Variants in CADPS observed in about 807,000 individuals in gnomAD.
CADPS encodes the protein calcium dependent secretion activator.
A neutral mutation model predicts 167.3 loss-of-function variants in CADPS; 57 were observed. That is an observed-to-expected ratio of 0.34 (90% CI 0.28 to 0.42). The LOEUF is 0.42. Ranked by LOEUF, CADPS falls within the 20% of genes least tolerant of loss-of-function variation. CADPS has a pLI of 1.00. For synonymous variants in CADPS, 676 were observed against 635.3 expected (o/e 1.06, Z -0.96); for missense variants, 1,414 against 1,738.1 (o/e 0.81, Z 3.32).
At chr3:62,746,676 T>C (rs1042589753) in intron 3 of CADPS, among the ~76,000 whole-genome samples, 4 of 152,026 alleles carry the variant, frequency 2.6e-5, no homozygotes, top group Non-Finnish European at 5.9e-5. Context: ...AATAAAAAAT[T>C]TGATGCACCA....
At chr3:62,543,000 T>C (rs2075950901) in intron 11 of CADPS, among the ~76,000 whole-genome samples, 1 of 152,180 alleles carries the variant, frequency 6.6e-6, no homozygotes, top group Admixed American at 6.5e-5. Flanking sequence ...ACTCACTATA[T>C]GGCATGAAAA....
At position 62,685,912 on chromosome 3, in the gene CADPS, C is replaced by A. The variant is rs185622554; in HGVS notation, c.889-23518G>T. 5.9e-3 allele frequency among the ~76,000 whole-genome samples: 896 copies of A among 151,974 alleles called. 43 individuals carry two copies. In the South Asian group the frequency reaches 0.12, roughly 21 times the overall value. On this transcript the variant is annotated intron_variant, in intron 3 of 29. Coordinates refer to ENST00000383710, the MANE Select transcript of CADPS (RefSeq NM_003716.4). Reference sequence around the variant, plus strand: ...TGACTGTGGCCTGGGGGTTAGGGACCCCTGTTTTATAGCACTATAGGATGG... The same window carrying A: ...TGACTGTGGCCTGGGGGTTAGGGACACCTGTTTTATAGCACTATAGGATGG...
rs2051158171 is a variant in CADPS at position 62,420,859 on chromosome 3, CG to C, written c.3777+17244del. 1.7e-5 allele frequency among the ~76,000 whole-genome samples: 2 copies of C among 118,712 alleles called. No individual in the cohort carries two copies. The highest frequency in any genetic ancestry group is 3.4e-5 in the Non-Finnish European group (2 of 58,380). 77.9% of individuals were successfully genotyped at this position (118,712 alleles called of 152,430 possible). On this transcript the variant is annotated intron_variant, in intron 28 of 29. Transcript: ENST00000383710. The surrounding 1 kb of genome is among the most constrained non-coding windows in gnomAD (Gnocchi z 4.1). ...TTTTTTCTCTTTATGGGAGGGAGAA[CG>C]AACACACACACACACACACACACAC... is the stretch of plus-strand genomic sequence containing the variant.
At chr3:62,733,179 T>C (rs1197651783) in intron 3 of CADPS, among the ~76,000 whole-genome samples, 1 of 151,666 alleles carries the variant, frequency 6.6e-6, no homozygotes, top group African/African-American at 2.4e-5. Flanking sequence ...ATGCGTTTGA[T>C]CACAGTTGGG....
chr3:62,582,498 C>T (rs1242319245), intron 8 of CADPS, among the ~76,000 whole-genome samples: 2 of 152,110 alleles, frequency 1.3e-5, no homozygotes, highest in African/African-American at 4.8e-5. Flanking sequence ...TGTGACATTG[C>T]TCTCATATTT....
At chr3:62,843,079 T>A (rs182320313) in intron 1 of CADPS, among the ~76,000 whole-genome samples, 2 of 151,900 alleles carry the variant, frequency 1.3e-5, no homozygotes, top group African/African-American at 4.8e-5. Flanking sequence ...TTTTTTTTCA[T>A]GTATGTTTCA....
At chr3:62,686,389 A>T (rs1412756604) in intron 3 of CADPS, among the ~76,000 whole-genome samples, 1 of 152,088 alleles carries the variant, frequency 6.6e-6, no homozygotes, top group Non-Finnish European at 1.5e-5. Flanking sequence ...GTCAGCTGAC[A>T]TCAGTGGACA....
chr3:62,790,736 T>C (rs915732266), intron 1 of CADPS, among the ~76,000 whole-genome samples: 7 of 152,206 alleles, frequency 4.6e-5, no homozygotes, highest in African/African-American at 9.7e-5. Context: ...CCTTGCTCTA[T>C]TGACAACGAC....
intron 8 of CADPS, among the ~76,000 whole-genome samples, chr3:62,575,087 AC>A (rs1371437957): frequency 6.6e-6 from 1 of 152,234 alleles, no homozygotes; most frequent in Non-Finnish European, 1.5e-5. Flanking sequence ...GCAGCTACTA[AC>A]CATTTCCCTT....
At chr3:62,588,182 C>T (rs1472121737) in intron 7 of CADPS, among the ~76,000 whole-genome samples, 1 of 152,110 alleles carries the variant, frequency 6.6e-6, no homozygotes, top group African/African-American at 2.4e-5. Flanking sequence ...ATCCCCTCCT[C>T]GACTTAGCCT....
At chr3:62,610,113 A>C (rs1275130956) in intron 6 of CADPS, among the ~76,000 whole-genome samples, 2 of 150,714 alleles carry the variant, frequency 1.3e-5, no homozygotes, top group Non-Finnish European at 1.5e-5. Context: ...AACACACCAG[A>C]AAAAAAAACA....
At chr3:62,628,349 T>C (rs1007373739) in intron 6 of CADPS, among the ~76,000 whole-genome samples, 1 of 152,202 alleles carries the variant, frequency 6.6e-6, no homozygotes, top group African/African-American at 2.4e-5. Context: ...AAAAAGCTTA[T>C]AAAAGTACAA....
intron 3 of CADPS, among the ~76,000 whole-genome samples, chr3:62,704,464 G>A (rs1235569697): frequency 3.3e-5 from 5 of 152,032 alleles, no homozygotes; most frequent in Non-Finnish European, 7.4e-5. Context: ...GAAATTTGGT[G>A]GTATCCAATG....
At chr3:62,600,448 A>G (rs2059793118) in intron 6 of CADPS, among the ~76,000 whole-genome samples, 1 of 152,208 alleles carries the variant, frequency 6.6e-6, no homozygotes, top group Non-Finnish European at 1.5e-5. Context: ...AAGATGAAGG[A>G]ATGTGTATTG....
intron 1 of CADPS, among the ~76,000 whole-genome samples, chr3:62,867,995 C>T (rs1016007861): frequency 5.3e-5 from 8 of 152,086 alleles, no homozygotes; most frequent in African/African-American, 1.9e-4. Flanking sequence ...CCCTTAACCA[C>T]TGTCCTTCAC....
At chr3:62,766,618 C>T (rs1428959261) in intron 1 of CADPS, among the ~76,000 whole-genome samples, 1 of 152,122 alleles carries the variant, frequency 6.6e-6, no homozygotes, top group Non-Finnish European at 1.5e-5. Context: ...TGTTTGGGTA[C>T]AGGATATACT....
At chr3:62,596,138 CACACAT>C (rs1215703334) in intron 6 of CADPS, among the ~76,000 whole-genome samples, 6 of 112,136 alleles carry the variant, frequency 5.4e-5, no homozygotes, top group African/African-American at 1.3e-4. Flanking sequence ...CACACACACA[CACACAT>C]ATCCTATTAG....
chr3:62,567,144 T>A (rs193155027), intron 9 of CADPS, among the ~76,000 whole-genome samples: 2 of 152,294 alleles, frequency 1.3e-5, no homozygotes, highest in Admixed American at 1.3e-4. Context: ...ACTGATGTTT[T>A]CCACATATTT....
At chr3:62,586,751 G>T (rs1165306939) in intron 7 of CADPS, among the ~76,000 whole-genome samples, 2 of 152,126 alleles carry the variant, frequency 1.3e-5, no homozygotes, top group African/African-American at 2.4e-5. Context: ...GTACAATGTT[G>T]TTGAGCAATT....
Sources: gnomAD v4.1 joint callset for allele counts (sites outside exome capture counted in the v4.1 genomes callset) on GRCh38, gnomAD v4.1.1 for gene constraint, Gnocchi (gnomAD v3.1) non-coding constraint, MANE v1.5 for transcripts, NCBI Gene and HGNC (gene_info 2026-07-23, HGNC 2026-07-21) for gene names.